WDR83: variants seen among roughly 807,000 people sequenced by gnomAD.
The protein encoded by WDR83 is WD repeat domain 83.
A neutral mutation model predicts 37.7 loss-of-function variants in WDR83; 37 were observed. That is an observed-to-expected ratio of 0.98 (90% confidence interval 0.76 to 1.29). WDR83 has a LOEUF of 1.29. Ranked by LOEUF, WDR83 falls within the 50% of genes most tolerant of loss-of-function variation. The probability of loss-of-function intolerance (pLI) is 0.00; values close to 1 mark genes in which losing one functional copy is unlikely to be tolerated. For missense variants in WDR83, 445 were observed against 414.4 expected (o/e 1.07, Z -0.64); for synonymous variants, 174 against 181.1 (o/e 0.96, Z 0.31).
intron 5 of WDR83, 63 bp from the exon 6 acceptor site, chr19:12,670,500 A>G: frequency 3.1e-6 from 5 of 1,613,152 alleles, no homozygotes; most frequent in Non-Finnish European, 4.2e-6. Context: ...CGACACTGGG[A>G]ACCCTGCCTT....
intron 10 of WDR83, among the ~76,000 whole-genome samples, chr19:12,674,512 C>CTT (rs2024513172): frequency 6.6e-6 from 1 of 152,170 alleles, no homozygotes; most frequent in Non-Finnish European, 1.5e-5. Flanking sequence ...AAGAATGTTC[C>CTT]ACCTATTTCT....
At position 12,670,726 on chromosome 19, in the gene WDR83, T is replaced by C. The variant is rs774721765; in HGVS notation, c.411T>C (p.Asp137=). 1 of 1,614,172 alleles carries C rather than the reference T, an allele frequency of 6.2e-7. No individual in the cohort carries two copies. The highest frequency in any genetic ancestry group is 8.5e-7 in the Non-Finnish European group (1 of 1,180,018). The change falls in exon 7 of 11, where the codon GAT becomes GAC. Residue 137 remains aspartate, a synonymous_variant. Transcript: ENST00000418543. ...TTGATTCCAGTATCCGCTGTTGGGA[T>C]TGCCGCTCACGGAGGCCTGAGCCAG... ...GSIDSSIRCW[D]CRSRRPEPVQ... is the part of the protein sequence containing the mutation.
chr19:12,670,241 G>A lies in WDR83; in HGVS notation c.286G>A (p.Val96Met). The change falls in exon 5 of 11, where the codon GTG becomes ATG. Residue 96 changes from valine (V) to methionine (M), a missense_variant. Coordinates refer to ENST00000418543, the MANE Select transcript of WDR83 (RefSeq NM_001099737.3). Reference protein sequence around the residue: ...GGDKAVVLWDVASGQVVRKFR... With the variant: ...GGDKAVVLWDMASGQVVRKFR... ...GGACAAGGCGGTGGTTCTGTGGGAT[G>A]TGGCATCAGGGCAGGTCGTGCGCAA... The A allele has an allele frequency of 1.2e-6, 2 of 1,614,180 alleles. No homozygotes were observed. Among genetic ancestry groups the A allele is most frequent in the Non-Finnish European group, 1.7e-6 (2 of 1,180,022 alleles).
chr19:12,673,563 G>A (rs1177276756), intron 10 of WDR83, among the ~76,000 whole-genome samples: 1 of 151,802 alleles, frequency 6.6e-6, no homozygotes, highest in African/African-American at 2.4e-5. Context: ...GATTATAGGT[G>A]CGTGCCACCA....
Position 12,670,623 on chromosome 19 carries a change from G to GC in WDR83, c.379+14dup, listed in dbSNP as rs1275840849. 1.9e-6 allele frequency: 3 copies of GC among 1,614,098 alleles called. No individual in the cohort carries two copies. The highest frequency in any genetic ancestry group is 1.3e-5 in the African/African-American group (1 of 74,932). On this transcript the variant is annotated intron_variant, in intron 6 of 10. Transcript: ENST00000418543. ...AGTTATCCTGTCCGGTGAGTCTGGG[G>GC]CCTAAGCACGGGGGCCCAGGGTGCT...
chr19:12,669,166 G>A, intron 2 of WDR83: 10 of 1,614,166 alleles, frequency 6.2e-6, no homozygotes, highest in Non-Finnish European at 7.6e-6. Flanking sequence ...ATCATGCCCA[G>A]CAGGTTCATG....
intron 2 of WDR83, chr19:12,669,243 G>A: frequency 6.2e-7 from 1 of 1,613,750 alleles, no homozygotes; most frequent in African/African-American, 1.3e-5. Flanking sequence ...CCTGCGACAG[G>A]CTCGAGGGTC....
At chr19:12,675,431 C>A in intron 10 of WDR83, 92 bp from the exon 11 acceptor site, 1 of 1,518,808 alleles carries the variant, frequency 6.6e-7, no homozygotes, top group South Asian at 1.3e-5. Flanking sequence ...CTGAGGGCTT[C>A]AGGCAGGACT....
intron 7 of WDR83, 49 bp downstream of exon 7, chr19:12,670,870 T>C (rs759220809): frequency 1.3e-6 from 2 of 1,585,824 alleles, no homozygotes; most frequent in Non-Finnish European, 1.7e-6. Context: ...CGGGGAATCA[T>C]AGCTGCCCCC....
intron 2 of WDR83, chr19:12,669,259 C>G (rs1195513565): frequency 6.2e-7 from 1 of 1,612,496 alleles, no homozygotes; most frequent in Non-Finnish European, 8.5e-7. Flanking sequence ...GGGTCAGGGG[C>G]GCTCAGGTCC....
chr19:12,670,174 C>T lies in WDR83; in HGVS notation c.225-6C>T, dbSNP rs373750735. 9 of 1,613,060 alleles carry T rather than the reference C, an allele frequency of 5.6e-6. No homozygotes were observed. Among genetic ancestry groups the T allele is most frequent in the Non-Finnish European group, 7.6e-6 (9 of 1,179,480 alleles). On this transcript the variant is annotated splice_polypyrimidine_tract_variant and splice_region_variant and intron_variant, in intron 4 of 10. Transcript: ENST00000418543. ...CGATGCTGATCCTCCTCCTCCTTTA[C>T]TCCAGCTCCTTTGACAACAGTAGTC...
intron 2 of WDR83, 37 bp downstream of exon 2, chr19:12,668,664 T>C (rs372285106): frequency 7.2e-6 from 11 of 1,525,464 alleles, no homozygotes; most frequent in Middle Eastern, 1.9e-4. Flanking sequence ...GGCACAACAA[T>C]GAGTCCCCGA....
chr19:12,670,126 G>C, intron 4 of WDR83, 29 bp downstream of exon 4: 1 of 1,606,864 alleles, frequency 6.2e-7, no homozygotes, highest in Non-Finnish European at 8.5e-7. Context: ...TGGGATGGGA[G>C]CGCTGAGGCT....
chr19:12,672,108 G>T (rs1357960619), intron 7 of WDR83, among the ~76,000 whole-genome samples: 1 of 152,218 alleles, frequency 6.6e-6, no homozygotes, highest in African/African-American at 2.4e-5. Flanking sequence ...GTGTCTCACA[G>T]CTGATAGAGG....
At chr19:12,669,676 A>C (rs2024352299) in intron 2 of WDR83, 79 bp from the exon 3 acceptor site, 2 of 1,180,018 alleles carry the variant, frequency 1.7e-6, no homozygotes, top group Admixed American at 2.5e-5. Flanking sequence ...GGAAGTGATA[A>C]ACAGGAAGTA....
chr19:12,675,090 G>A (rs10426586), intron 10 of WDR83, among the ~76,000 whole-genome samples: 1 of 150,474 alleles, frequency 6.6e-6, no homozygotes, highest in African/African-American at 2.5e-5. Context: ...CTCCAGCCTG[G>A]CGACAGAGCA....
intron 2 of WDR83, chr19:12,669,305 G>A (rs930679814): frequency 1.2e-6 from 2 of 1,606,098 alleles, no homozygotes; most frequent in East Asian, 4.5e-5. Context: ...CCAGGGCCCC[G>A]ATCCACACCC....
At chr19:12,669,325 A>G in intron 2 of WDR83, 1 of 1,604,650 alleles carries the variant, frequency 6.2e-7, no homozygotes, top group Non-Finnish European at 8.5e-7. Context: ...CACAACCCGA[A>G]CCCGTGCCCA....
intron 7 of WDR83, 32 bp from the exon 8 acceptor site, chr19:12,672,815 A>C: frequency 6.4e-7 from 1 of 1,557,650 alleles, no homozygotes. Flanking sequence ...GAGTGTAGTC[A>C]AGGTTCCCGC....
Sources: gnomAD v4.1 joint callset for allele counts (sites outside exome capture counted in the v4.1 genomes callset) on GRCh38, gnomAD v4.1.1 for gene constraint, MANE v1.5 for transcripts, NCBI Gene and HGNC (gene_info 2026-07-23, HGNC 2026-07-21) for gene names.